TPM2: variants seen among roughly 807,000 people sequenced by gnomAD.
The protein encoded by TPM2 is tropomyosin 2.
Under a neutral mutation model 41.0 loss-of-function variants are expected in TPM2, and 26 were observed. That is an observed-to-expected ratio of 0.63 (90% CI 0.46 to 0.88). TPM2 has a LOEUF of 0.88. TPM2 is among the 40% of genes least tolerant of loss of function. The probability of loss-of-function intolerance (pLI) is 0.00; values close to 1 mark genes in which losing one functional copy is unlikely to be tolerated. For synonymous variants in TPM2, 143 were observed against 139.3 expected (o/e 1.03, Z -0.19); for missense variants, 187 against 355.2 (o/e 0.53, Z 3.81).
In TPM2 at chr9:35,685,102, C is replaced by T. The variant is rs2131851136; in HGVS notation, c.563+167G>A. 6.2e-7 allele frequency: 1 copy of T among 1,614,200 alleles called. No individual in the cohort carries two copies. Among genetic ancestry groups the T allele is most frequent in the Non-Finnish European group, 8.5e-7 (1 of 1,180,026 alleles). On this transcript the variant is annotated intron_variant, in intron 5 of 8. Transcript: ENST00000645482. This position sits in a 1 kb window ranked among gnomAD's most constrained non-coding sequence, Gnocchi z 5.0. ...GCCATCAGGGACTTGAGGGCCTGGT[C>T]CATGGTTCGAAGTTCCTCCTCCAGC...
intron 2 of TPM2, among the ~76,000 whole-genome samples, chr9:35,687,985 G>A (rs1825024592): frequency 6.6e-6 from 1 of 152,160 alleles, no homozygotes; most frequent in Admixed American, 6.5e-5. Flanking sequence ...AGGTCACCAG[G>A]AAGCTTGGGC....
At chr9:35,689,442 G>A in intron 1 of TPM2, 171 bp from the exon 2 acceptor site, 1 of 964,970 alleles carries the variant, frequency 1.0e-6, no homozygotes, top group Non-Finnish European at 1.2e-6. Context: ...TGAGGGTACA[G>A]AGAAAACTTC....
At position 35,689,861 on chromosome 9, in the gene TPM2, G is replaced by A; in HGVS notation, c.-44C>T. 2 of 1,612,472 alleles carry A rather than the reference G, an allele frequency of 1.2e-6. No individual in the cohort carries two copies. Among genetic ancestry groups the A allele is most frequent in the Non-Finnish European group, 8.5e-7 (1 of 1,179,298 alleles). On this transcript the variant is annotated 5_prime_UTR_variant, in exon 1 of 9. Coordinates refer to ENST00000645482, the MANE Select transcript of TPM2 (RefSeq NM_003289.4). ...GCCGGCCGGCAGGCGGTGAGGACCG[G>A]ACGGACTGGGCTGGGTGAGCGGACT...
intron 2 of TPM2, 127 bp downstream of exon 2, chr9:35,689,019 G>GA: frequency 8.5e-7 from 1 of 1,170,514 alleles, no homozygotes. Context: ...TTACTGAGAT[G>GA]AAACCATTTC....
chr9:35,684,730 A>G lies in TPM2; in HGVS notation c.639+2T>C. 6.2e-7 allele frequency: 1 copy of G among 1,611,756 alleles called. No individual in the cohort carries two copies. The highest frequency in any genetic ancestry group is 8.5e-7 in the Non-Finnish European group (1 of 1,179,274). ...CCTCACTGCCCCTCTGCTCCCCTCT[A>G]CCTTGTCCGCCTGGGCCTCCAGGGA... On this transcript the variant is annotated splice_donor_variant, in intron 6 of 8. Transcript: ENST00000645482. LOFTEE classifies it high-confidence loss of function.
At chr9:35,687,564 G>A (rs755082209) in intron 2 of TPM2, among the ~76,000 whole-genome samples, 4 of 152,060 alleles carry the variant, frequency 2.6e-5, no homozygotes, top group Non-Finnish European at 4.4e-5. Context: ...ATAGAGAGTA[G>A]ATGGTAGCTT....
At chr9:35,689,665 G>A (rs930121559) in intron 1 of TPM2, 39 bp downstream of exon 1, 5 of 1,608,512 alleles carry the variant, frequency 3.1e-6, no homozygotes, top group Non-Finnish European at 4.2e-6. Context: ...CCTTGCCCTA[G>A]GCGCGGGGAG....
rs72727030 is a variant in TPM2 at position 35,688,938 on chromosome 9, G to A, written c.240+208C>T. ...ACAGAATTACAGGGCTAAGTCCTCT[G>A]GGGGAAGTGGTAGGTGGTTTTGATT... On this transcript the variant is annotated intron_variant, in intron 2 of 8. Coordinates refer to ENST00000645482, the MANE Select transcript of TPM2 (RefSeq NM_003289.4). 0.07 allele frequency among the ~76,000 whole-genome samples: 10,593 copies of A among 152,222 alleles called. 584 individuals carry two copies. Among genetic ancestry groups the A allele is most frequent in the African/African-American group, 0.15 (6,129 of 41,504 alleles).
chr9:35,686,399 G>A lies in TPM2; in HGVS notation c.241-619C>T, dbSNP rs148357688. 5.7e-3 allele frequency: 918 copies of A among 160,346 alleles called. 7 individuals carry two copies. Among genetic ancestry groups the A allele is most frequent in the African/African-American group, 0.021 (857 of 41,552 alleles). The allele number at this position is 160,346 out of a possible 1,614,324, so 9.9% of individuals were successfully genotyped here. A position where few individuals can be genotyped will look rare whatever the true frequency, so the allele number is the denominator to read the frequency against. On this transcript the variant is annotated intron_variant, in intron 2 of 8. Transcript: ENST00000645482. Reference sequence around the variant, plus strand: ...CTGTGGGAGCACTTCAAGTGCTGGGGCCAGGTCTGATGCAGCTCTGATTCC... The same window carrying A: ...CTGTGGGAGCACTTCAAGTGCTGGGACCAGGTCTGATGCAGCTCTGATTCC...
intron 2 of TPM2, among the ~76,000 whole-genome samples, chr9:35,687,523 G>A (rs902677041): frequency 6.6e-6 from 1 of 152,078 alleles, no homozygotes; most frequent in Admixed American, 6.5e-5. Context: ...GTCCTTGGTC[G>A]GACTGTAGGG....
Position 35,685,712 on chromosome 9 carries a change from C to T in TPM2, c.309G>A (p.Gln103=), listed in dbSNP as rs1249093723. 1 of 1,614,168 alleles carries T rather than the reference C, an allele frequency of 6.2e-7. No homozygotes were observed. Among genetic ancestry groups the T allele is most frequent in the Non-Finnish European group, 8.5e-7 (1 of 1,180,026 alleles). ...TCTGCAGGGCTGTAGCCAGGCGCTC[C>T]TGGGCCCGGTCCAGCTCCTCCTCAA... ...QLVEEELDRA[Q]ERLATALQKL... Residue 103 remains glutamine (Q), a synonymous_variant, in exon 3 of 9, where the codon CAG becomes CAA. Transcript: ENST00000645482. The surrounding 1 kb of genome is among the most constrained non-coding windows in gnomAD (Gnocchi z 5.0).
intron 5 of TPM2, 113 bp from the exon 6 acceptor site, chr9:35,684,920 A>G: frequency 6.2e-7 from 1 of 1,610,292 alleles, no homozygotes; most frequent in Non-Finnish European, 8.5e-7. Flanking sequence ...CAAAGTTGTG[A>G]GAGTGACAGC....
chr9:35,689,308 G>A lies in TPM2; in HGVS notation c.115-37C>T, dbSNP rs779119985. 9 of 1,613,318 alleles carry A rather than the reference G, an allele frequency of 5.6e-6. No individual in the cohort carries two copies. The Admixed American group carries it at 1.5e-4, about 27-fold the overall frequency. Reference sequence around the variant, plus strand: ...GGGACTTGGTCAGCCAGGCTGGGAGGGGGCCCAGGCCCAGAATGGAGACGC... The same window carrying A: ...GGGACTTGGTCAGCCAGGCTGGGAGAGGGCCCAGGCCCAGAATGGAGACGC... On this transcript the variant is annotated intron_variant, in intron 1 of 8. Coordinates refer to ENST00000645482, the MANE Select transcript of TPM2 (RefSeq NM_003289.4).
At chr9:35,688,890 T>C (rs918280984) in intron 2 of TPM2, among the ~76,000 whole-genome samples, 2 of 152,194 alleles carry the variant, frequency 1.3e-5, no homozygotes, top group African/African-American at 4.8e-5. Flanking sequence ...TTGATCACTG[T>C]ACATTCTAAA....
chr9:35,684,097 T>A, intron 8 of TPM2, 149 bp downstream of exon 8: 2 of 762,082 alleles, frequency 2.6e-6, no homozygotes, highest in Non-Finnish European at 4.6e-6. Flanking sequence ...TTACTTGAAT[T>A]GTAGACATGG....
Position 35,685,299 on chromosome 9 carries a change from C to A in TPM2, c.533G>T (p.Arg178Leu), listed in dbSNP as rs765802464. 6.2e-7 allele frequency: 1 copy of A among 1,614,226 alleles called. No individual in the cohort carries two copies. Among genetic ancestry groups the A allele is most frequent in the Non-Finnish European group, 8.5e-7 (1 of 1,180,048 alleles). ...GGCCACCTCAGCCCTCTCCTCCGAG[C>A]GCTCCAGCTCTCCTTCCAGGATCAC... ...KLVILEGELE[R>L]SEERAEVAES... is the part of the protein sequence containing the mutation. Residue 178 changes from arginine to leucine, a missense_variant, in exon 5 of 9, where the codon CGC becomes CTC. Transcript: ENST00000645482. The surrounding 1 kb of genome is among the most constrained non-coding windows in gnomAD (Gnocchi z 5.0).
intron 2 of TPM2, among the ~76,000 whole-genome samples, chr9:35,688,617 T>C (rs1825073630): frequency 6.6e-6 from 1 of 152,116 alleles, no homozygotes; most frequent in Non-Finnish European, 1.5e-5. Flanking sequence ...GAGGAGCCAT[T>C]AGAACCTGAG....
chr9:35,683,367 A>G, intron 8 of TPM2, 126 bp from the exon 9 acceptor site: 1 of 952,268 alleles, frequency 1.1e-6, no homozygotes, highest in South Asian at 1.5e-5. Flanking sequence ...ACAGAGTGAG[A>G]GAGGGAGGCC....
rs776929476 is a variant in TPM2, at chr9:35,689,668, G to A, written c.114+36C>T. ...GCAGCGGCCCACCCTTGCCCTAGGC[G>A]CGGGGAGAGCAGGCTGCACTGGGCC... On this transcript the variant is annotated intron_variant, in intron 1 of 8. Coordinates refer to ENST00000645482, the MANE Select transcript of TPM2 (RefSeq NM_003289.4). 6 of 1,609,094 alleles carry A rather than the reference G, an allele frequency of 3.7e-6. No homozygotes were observed. In the Admixed American group the frequency reaches 6.7e-5, roughly 18 times the overall value.
Sources: allele counts gnomAD v4.1 joint callset (sites outside exome capture counted in the v4.1 genomes callset), GRCh38; gene constraint gnomAD v4.1.1; non-coding constraint Gnocchi (gnomAD v3.1); transcripts MANE v1.5; gene names NCBI Gene and HGNC (gene_info 2026-07-23, HGNC 2026-07-21).